KPNA4: variants seen among roughly 807,000 people sequenced by gnomAD.
KPNA4 encodes the protein karyopherin subunit alpha 4.
A neutral mutation model predicts 71.3 loss-of-function variants in KPNA4; 13 were observed. That is an observed-to-expected ratio of 0.18 (90% CI 0.12 to 0.29). KPNA4 has a LOEUF of 0.29. Ranked by LOEUF, KPNA4 falls within the 10% of genes least tolerant of loss-of-function variation. The pLI, the probability that KPNA4 is intolerant of heterozygous loss-of-function variation, is 1.00. For missense variants in KPNA4, 334 were observed against 603.2 expected, an observed-to-expected ratio of 0.55 and a Z score of 4.67; for synonymous variants, 189 against 195.2, an observed-to-expected ratio of 0.97 and a Z score of 0.26.
rs12494496 is a variant in KPNA4 at position 160,537,982 on chromosome 3, T to A, written c.70-1142A>T. 0.016 allele frequency among the ~76,000 whole-genome samples: 2,477 copies of A among 152,062 alleles called. 165 individuals are homozygous for A. In the East Asian group the frequency reaches 0.22, roughly 14 times the overall value. ...TGTCTTCCTCCAGAGTCTAGTATAA[T>A]GACAGCAACCAGAGTAATCCTCATA... On this transcript the variant is annotated intron_variant, in intron 1 of 16. Transcript: ENST00000334256.
At chr3:160,542,991 T>C (rs899197546) in intron 1 of KPNA4, among the ~76,000 whole-genome samples, 7 of 152,210 alleles carry the variant, frequency 4.6e-5, no homozygotes, top group African/African-American at 1.7e-4. Flanking sequence ...AGAGTTTCAC[T>C]ATCTCTTCAA....
intron 1 of KPNA4, among the ~76,000 whole-genome samples, chr3:160,562,505 T>C (rs781672607): frequency 6.6e-6 from 1 of 152,176 alleles, no homozygotes; most frequent in Non-Finnish European, 1.5e-5. Flanking sequence ...AGATACAGCA[T>C]ATATGTAAGT....
chr3:160,529,837 A>G (rs1721534636), intron 7 of KPNA4, among the ~76,000 whole-genome samples: 1 of 152,154 alleles, frequency 6.6e-6, no homozygotes, highest in African/African-American at 2.4e-5. Flanking sequence ...TTTCTTTAAA[A>G]TATATGATAT....
chr3:160,505,634 TTTAC>T (rs1464057342), intron 15 of KPNA4, among the ~76,000 whole-genome samples: 1 of 152,184 alleles, frequency 6.6e-6, no homozygotes, highest in Non-Finnish European at 1.5e-5. Flanking sequence ...TGGATCCTGT[TTTAC>T]TTTAGAGGAA....
Position 160,495,498 on chromosome 3 carries a change from C to T in KPNA4, c.*6606G>A, listed in dbSNP as rs73875285. 0.23 allele frequency: 33,626 copies of T among 146,728 alleles called. 4,097 individuals are homozygous for T. The highest frequency in any genetic ancestry group is 0.28 in the Non-Finnish European group (18,557 of 67,058). The allele number at this position is 146,728 out of a possible 1,614,324, so 9.1% of individuals were successfully genotyped here. A position where few individuals can be genotyped will look rare whatever the true frequency, so the allele number is the denominator to read the frequency against. Reference sequence around the variant, plus strand: ...TCACCATGTAGGTAACTTAGCTATCCTAGATCATCCTAAACTGGTTAAAAG... The same window carrying T: ...TCACCATGTAGGTAACTTAGCTATCTTAGATCATCCTAAACTGGTTAAAAG... On this transcript the variant is annotated 3_prime_UTR_variant, in exon 17 of 17. Coordinates refer to ENST00000334256, the MANE Select transcript of KPNA4 (RefSeq NM_002268.5).
chr3:160,528,773 T>C (rs1721511146), intron 7 of KPNA4, among the ~76,000 whole-genome samples: 1 of 152,224 alleles, frequency 6.6e-6, no homozygotes, highest in Non-Finnish European at 1.5e-5. Context: ...GTGATTCTGT[T>C]ACTCAACAGG....
At chr3:160,527,909 T>A in intron 8 of KPNA4, 44 bp downstream of exon 8, 2 of 1,430,142 alleles carry the variant, frequency 1.4e-6, no homozygotes, top group Non-Finnish European at 2.0e-6. Flanking sequence ...TTACTTAGTA[T>A]ATGATAACAA....
At chr3:160,522,388 G>C (rs1012653769) in intron 10 of KPNA4, among the ~76,000 whole-genome samples, 3 of 152,034 alleles carry the variant, frequency 2.0e-5, no homozygotes, top group African/African-American at 7.2e-5. Flanking sequence ...AATAACCCAA[G>C]TATTCATATT....
chr3:160,547,120 A>T (rs1160555910), intron 1 of KPNA4, among the ~76,000 whole-genome samples: 1 of 152,250 alleles, frequency 6.6e-6, no homozygotes, highest in Non-Finnish European at 1.5e-5. Flanking sequence ...GAATTTAAAA[A>T]GTCCAACTAT....
intron 10 of KPNA4, 152 bp downstream of exon 10, chr3:160,525,648 A>C (rs969303813): frequency 2.8e-6 from 1 of 351,930 alleles, no homozygotes. Flanking sequence ...TTATAAAATA[A>C]CTAATCTAAT....
At chr3:160,530,694 TAAG>T (rs1721556591) in intron 7 of KPNA4, among the ~76,000 whole-genome samples, 158 bp downstream of exon 7, 1 of 152,334 alleles carries the variant, frequency 6.6e-6, no homozygotes, top group South Asian at 2.1e-4. Context: ...GTCACCAGAA[TAAG>T]AAGATTAAAG....
At chr3:160,545,378 T>G (rs1054079404) in intron 1 of KPNA4, among the ~76,000 whole-genome samples, 74 of 151,314 alleles carry the variant, frequency 4.9e-4, no homozygotes, top group African/African-American at 1.8e-3. Flanking sequence ...TTCTGAGTGT[T>G]AAGGAGAAAA....
chr3:160,515,504 G>A lies in KPNA4; in HGVS notation c.980C>T (p.Ala327Val), dbSNP rs757679998. 1.2e-6 allele frequency: 2 copies of A among 1,613,728 alleles called. No individual in the cohort carries two copies. The highest frequency in any genetic ancestry group is 2.2e-5 in the East Asian group (1 of 44,880). The change falls in exon 12 of 17, where the codon GCT becomes GTT. Residue 327 changes from alanine (A) to valine (V), a missense_variant. Ala to Val is a moderately conservative substitution (Grantham distance 64). Transcript: ENST00000334256. ...CAGGAGTGCTGGGAAGTGTGAAAGAGCATCACAGTTCAAAACTACTTGTGT... is the reference window on the plus strand; with the variant it reads ...CAGGAGTGCTGGGAAGTGTGAAAGAACATCACAGTTCAAAACTACTTGTGT... The part of the protein sequence containing the change: ...EQTQVVLNCD[A>V]LSHFPALLTH...
Position 160,521,924 on chromosome 3 carries a change from T to C in KPNA4, c.772-14A>G. ...GTCTACCAGTATCTAATGAATAAAA[T>C]AAAAATTCAAACAACTTTTAAATAT... On this transcript the variant is annotated splice_polypyrimidine_tract_variant and intron_variant, in intron 10 of 16. Transcript: ENST00000334256. 6.3e-7 allele frequency: 1 copy of C among 1,585,650 alleles called. No homozygotes were observed. Among genetic ancestry groups the C allele is most frequent in the Non-Finnish European group, 8.5e-7 (1 of 1,170,614 alleles).
chr3:160,554,604 C>G lies in KPNA4; in HGVS notation c.69+10610G>C, dbSNP rs1240771227. Among the ~76,000 whole-genome samples the G allele has an allele frequency of 2.0e-5, 3 of 152,304 alleles. No homozygotes were observed. In the South Asian group the frequency reaches 6.2e-4, roughly 32 times the overall value. On this transcript the variant is annotated intron_variant, in intron 1 of 16. Transcript: ENST00000334256. Reference sequence around the variant, plus strand: ...ATAGTTTCAGGATGAGGGCTGATCACTGGAAAGACCAAGACATGACTAGAG... The same window carrying G: ...ATAGTTTCAGGATGAGGGCTGATCAGTGGAAAGACCAAGACATGACTAGAG...
chr3:160,532,039 G>A (rs902170926), intron 5 of KPNA4, among the ~76,000 whole-genome samples: 2 of 152,202 alleles, frequency 1.3e-5, no homozygotes, highest in Admixed American at 1.3e-4. Flanking sequence ...TGATCCACCC[G>A]TCTTGGCCTC....
In KPNA4 at chr3:160,551,741, T is replaced by C. The variant is rs186003240; in HGVS notation, c.69+13473A>G. On this transcript the variant is annotated intron_variant, in intron 1 of 16. Coordinates refer to ENST00000334256, the MANE Select transcript of KPNA4 (RefSeq NM_002268.5). ...AACCAAATTGAGAGCCTGAAATGCC[T>C]AGCTAATTAAGAACTTTTCAGTGCC... Among the ~76,000 whole-genome samples the C allele has an allele frequency of 4.0e-5, 6 of 151,288 alleles. No homozygotes were observed. In the East Asian group the frequency reaches 9.6e-4, roughly 24 times the overall value.
Position 160,521,144 on chromosome 3 carries a change from G to A in KPNA4, c.903+635C>T, listed in dbSNP as rs776946870. Among the ~76,000 whole-genome samples the A allele has an allele frequency of 2.6e-5, 4 of 152,094 alleles. 1 individual carries two copies. Among genetic ancestry groups the A allele is most frequent in the South Asian group, 2.1e-4 (1 of 4,824 alleles). On this transcript the variant is annotated intron_variant, in intron 11 of 16. Transcript: ENST00000334256. ...GATAAGAGTTAACTAAACTTGCCAG[G>A]TGAGTAAATAAGGATGGTTGGCAAG...
intron 1 of KPNA4, among the ~76,000 whole-genome samples, chr3:160,540,193 G>A (rs1721771589): frequency 6.6e-6 from 1 of 151,646 alleles, no homozygotes; most frequent in South Asian, 2.1e-4. Flanking sequence ...TAGAGATGGG[G>A]TTTCACCGTG....
Sources: allele counts gnomAD v4.1 joint callset (sites outside exome capture counted in the v4.1 genomes callset), GRCh38; gene constraint gnomAD v4.1.1; transcripts MANE v1.5; gene names NCBI Gene and HGNC (gene_info 2026-07-23, HGNC 2026-07-21).